The following GRK3 variants were observed in gnomAD, a reference collection of about 807,000 sequenced individuals.
The protein encoded by GRK3 is G protein-coupled receptor kinase 3.
In GRK3, 54 loss-of-function variants were observed where a neutral mutation model predicts 95.7. The ratio of observed to expected loss-of-function variants is 0.56; its 90% CI spans 0.45 to 0.71. GRK3 has a LOEUF of 0.71. Ranked by LOEUF, GRK3 falls within the 30% of genes least tolerant of loss-of-function variation. The pLI is 0.00. For synonymous variants in GRK3, 281 were observed against 290.8 expected (o/e 0.97, Z 0.34); for missense variants, 649 against 851.2 (o/e 0.76, Z 2.96).
At chr22:25,668,064 A>T (rs1047141101) in intron 6 of GRK3, among the ~76,000 whole-genome samples, 3 of 152,238 alleles carry the variant, frequency 2.0e-5, no homozygotes, top group Admixed American at 2.0e-4. Context: ...CCTCAATTTT[A>T]AAAAGTATCT....
intron 3 of GRK3, among the ~76,000 whole-genome samples, chr22:25,657,711 T>C (rs1011222503): frequency 1.3e-5 from 2 of 151,840 alleles, no homozygotes; most frequent in South Asian, 4.1e-4. Context: ...TTTATATATA[T>C]ATTTTTTACC....
rs2085360853 is a variant in GRK3 at position 25,713,582 on chromosome 22, G to A, written c.1492-826G>A. Among the ~76,000 whole-genome samples, 3 of 152,228 alleles carry A rather than the reference G, an allele frequency of 2.0e-5. No individual in the cohort carries two copies. The South Asian group carries it at 6.2e-4, about 32-fold the overall frequency. ...CCCCTGCTTATCTTTCAAGGAGTAA[G>A]CAAATCAAGTTTCTAAGGAGGTCTG... On this transcript the variant is annotated intron_variant, in intron 17 of 20. Transcript: ENST00000324198.
rs144927276 is a variant in GRK3 at position 25,650,803 on chromosome 22, C to T, written c.264+6138C>T. Among the ~76,000 whole-genome samples the T allele has an allele frequency of 1.4e-3, 213 of 152,238 alleles. 2 individuals are homozygous for T. The East Asian group carries it at 0.028, about 20-fold the overall frequency. On this transcript the variant is annotated intron_variant, in intron 3 of 20. Transcript: ENST00000324198. The stretch of plus-strand genomic sequence containing the variant: ...TTATTTGTTCAAAATAGTGAAGTTT[C>T]GGCTTCACATTCATTCCAGTGGGAT...
rs531927011 is a variant in GRK3, at chr22:25,724,062, T to A, written c.*1612T>A. On this transcript the variant is annotated 3_prime_UTR_variant, in exon 21 of 21. Coordinates refer to ENST00000324198, the MANE Select transcript of GRK3 (RefSeq NM_005160.4). Reference sequence around the variant, plus strand: ...CAGTGTGGGAGGAGGGATGTACTACTTACATGCATTCTCCTTATTTAAAAA... The same window carrying A: ...CAGTGTGGGAGGAGGGATGTACTACATACATGCATTCTCCTTATTTAAAAA... 2 of 151,660 alleles carry A rather than the reference T, an allele frequency of 1.3e-5. No homozygotes were observed. Among genetic ancestry groups the A allele is most frequent in the African/African-American group, 4.8e-5 (2 of 41,256 alleles). The allele number at this position is 151,660 out of a possible 1,614,324, so 9.4% of individuals were successfully genotyped here.
At chr22:25,624,277 T>C (rs985549084) in intron 2 of GRK3, among the ~76,000 whole-genome samples, 1 of 152,118 alleles carries the variant, frequency 6.6e-6, no homozygotes, top group African/African-American at 2.4e-5. Flanking sequence ...AAAACCCTGA[T>C]TTCTGGCCAG....
Position 25,724,371 on chromosome 22 carries a change from T to C in GRK3, c.*1921T>C, listed in dbSNP as rs938115278. 5 of 152,224 alleles carry C rather than the reference T, an allele frequency of 3.3e-5. No individual in the cohort carries two copies. The highest frequency in any genetic ancestry group is 5.9e-5 in the Non-Finnish European group (4 of 68,060). 9.4% of individuals were successfully genotyped at this position (152,224 alleles called of 1,614,324 possible). On this transcript the variant is annotated 3_prime_UTR_variant, in exon 21 of 21. Coordinates refer to ENST00000324198, the MANE Select transcript of GRK3 (RefSeq NM_005160.4). ...TCTGGGCTTAGCGTCTAATATCTCG[T>C]ACCTAGGGCGTGAGCTGCACAAACG...
intron 9 of GRK3, among the ~76,000 whole-genome samples, chr22:25,682,124 A>C (rs1411580065): frequency 1.3e-5 from 2 of 152,210 alleles, no homozygotes; most frequent in Non-Finnish European, 2.9e-5. Context: ...CTTTAGTTAA[A>C]GCATTTATTT....
intron 2 of GRK3, among the ~76,000 whole-genome samples, chr22:25,626,442 T>C (rs1345791042): frequency 6.6e-6 from 1 of 151,912 alleles, no homozygotes. Flanking sequence ...TGAGAGGGAG[T>C]GTTCACTGAT....
chr22:25,717,577 T>A (rs1449348477), intron 18 of GRK3, among the ~76,000 whole-genome samples: 1 of 152,154 alleles, frequency 6.6e-6, no homozygotes, highest in African/African-American at 2.4e-5. Flanking sequence ...GTTGAAGAAA[T>A]GAGTGTGTGA....
chr22:25,608,965 G>T (rs1313285217), intron 2 of GRK3, among the ~76,000 whole-genome samples: 2 of 152,102 alleles, frequency 1.3e-5, no homozygotes, highest in Non-Finnish European at 2.9e-5. Flanking sequence ...CAGAATAAAG[G>T]GGTTATGTGC....
chr22:25,720,419 A>G (rs1193171870), intron 19 of GRK3, among the ~76,000 whole-genome samples: 1 of 151,712 alleles, frequency 6.6e-6, no homozygotes, highest in East Asian at 1.9e-4. Context: ...TAAGACGCTA[A>G]GGAACTCATG....
At chr22:25,675,922 G>C (rs747292012) in intron 8 of GRK3, among the ~76,000 whole-genome samples, 1 of 152,226 alleles carries the variant, frequency 6.6e-6, no homozygotes, top group Non-Finnish European at 1.5e-5. Context: ...GGGATCTGGA[G>C]TAAGGGTCCT....
intron 9 of GRK3, 42 bp from the exon 10 acceptor site, chr22:25,685,128 C>A (rs540552456): frequency 1.4e-5 from 19 of 1,368,252 alleles, no homozygotes; most frequent in Non-Finnish European, 1.9e-5. Flanking sequence ...GCTTTCTAGG[C>A]AGCTTTTGCT....
chr22:25,605,328 G>T (rs182037589), intron 2 of GRK3, among the ~76,000 whole-genome samples: 8 of 152,272 alleles, frequency 5.3e-5, no homozygotes, highest in African/African-American at 1.9e-4. Context: ...GTTGGTTGGG[G>T]AACAGATAAG....
chr22:25,676,938 C>T (rs1281606166), intron 8 of GRK3, among the ~76,000 whole-genome samples: 1 of 152,140 alleles, frequency 6.6e-6, no homozygotes, highest in Non-Finnish European at 1.5e-5. Context: ...ATCAGTGAAC[C>T]ACAAGGTGCA....
chr22:25,610,943 C>A (rs902467497), intron 2 of GRK3, among the ~76,000 whole-genome samples: 1 of 152,096 alleles, frequency 6.6e-6, no homozygotes. Flanking sequence ...TTCACTGCAA[C>A]CTCCGCCTCC....
chr22:25,627,835 G>C (rs910307220), intron 2 of GRK3, among the ~76,000 whole-genome samples: 4 of 152,192 alleles, frequency 2.6e-5, no homozygotes, highest in Non-Finnish European at 5.9e-5. Context: ...GGATGCTAGA[G>C]GCATTTCTGT....
intron 2 of GRK3, among the ~76,000 whole-genome samples, chr22:25,633,826 T>C (rs966728481): frequency 1.2e-4 from 19 of 152,200 alleles, no homozygotes; most frequent in African/African-American, 4.6e-4. Context: ...TTTGAAACTT[T>C]ATAAGAAAAT....
In GRK3 at chr22:25,602,844, A is replaced by G. The variant is rs560953733; in HGVS notation, c.114-1533A>G. ...TTTTAAAGGGGTGCTTTTTGGGGCA[A>G]TGGAAATATCCTGTATCTTAAGATA... On this transcript the variant is annotated intron_variant, in intron 1 of 20. Coordinates refer to ENST00000324198, the MANE Select transcript of GRK3 (RefSeq NM_005160.4). 5.9e-5 allele frequency among the ~76,000 whole-genome samples: 9 copies of G among 152,300 alleles called. 1 individual carries two copies. In the South Asian group the frequency reaches 1.9e-3, roughly 32 times the overall value.
Sources: gnomAD v4.1 joint callset for allele counts (sites outside exome capture counted in the v4.1 genomes callset) on GRCh38, gnomAD v4.1.1 for gene constraint, MANE v1.5 for transcripts, NCBI Gene and HGNC (gene_info 2026-07-23, HGNC 2026-07-21) for gene names.